ZNF385A: variants seen among roughly 807,000 people sequenced by gnomAD.
The protein encoded by ZNF385A is hematopoietic zinc finger protein.
Under a neutral mutation model 32.1 loss-of-function variants are expected in ZNF385A, and 14 were observed. That is an observed-to-expected ratio of 0.44 (90% CI 0.29 to 0.68). The LOEUF (loss-of-function observed/expected upper bound fraction) is 0.68. ZNF385A is among the 30% of genes least tolerant of loss of function. The probability of loss-of-function intolerance (pLI) is 0.14; values close to 1 mark genes in which losing one functional copy is unlikely to be tolerated. For missense variants in ZNF385A, 406 were observed against 478.4 expected (o/e 0.85, Z 1.41); for synonymous variants, 197 against 202.7 (o/e 0.97, Z 0.24).
chr12:54,385,812 G>T, upstream of ZNF385A: 1 of 225,564 alleles, frequency 4.4e-6, no homozygotes, highest in Non-Finnish European at 7.4e-6. Flanking sequence ...AGCCCAGTCA[G>T]TAGAATCAGC....
upstream of ZNF385A, chr12:54,385,666 T>C (rs570472763): frequency 1.0e-6 from 1 of 985,342 alleles, no homozygotes; most frequent in South Asian, 4.7e-5. Context: ...ACCACCCCCT[T>C]TCATACCTTT....
At chr12:54,379,130 G>T (rs1394975164) in intron 1 of ZNF385A, 6 of 981,192 alleles carry the variant, frequency 6.1e-6, no homozygotes, top group Admixed American at 6.3e-5. Flanking sequence ...GGGGGGCCGC[G>T]CCTGGCCGGG....
At chr12:54,376,961 T>C (rs1157140192) in intron 1 of ZNF385A, among the ~76,000 whole-genome samples, 2 of 152,158 alleles carry the variant, frequency 1.3e-5, no homozygotes, top group Non-Finnish European at 2.9e-5. Context: ...AGAATGGGAC[T>C]GAATTAGGAC....
chr12:54,384,655 C>A lies in ZNF385A; in HGVS notation c.-141G>T, dbSNP rs1037543732. On this transcript the variant is annotated 5_prime_UTR_variant, in exon 1 of 7. Coordinates refer to ENST00000394313, the MANE Select transcript of ZNF385A (RefSeq NM_015481.3). The stretch of plus-strand genomic sequence containing the variant: ...GCCAGTCCCACTCCCTAGCCAGGGC[C>A]CCCACACTCAGAAGTGTCACCCTCA... 3 of 1,414,042 alleles carry A rather than the reference C, an allele frequency of 2.1e-6. No homozygotes were observed. Among genetic ancestry groups the A allele is most frequent in the Non-Finnish European group, 2.8e-6 (3 of 1,088,722 alleles). The allele number at this position is 1,414,042 out of a possible 1,614,324, so 87.6% of individuals were successfully genotyped here. A position where few individuals can be genotyped will look rare whatever the true frequency, so the allele number is the denominator to read the frequency against.
intron 1 of ZNF385A, among the ~76,000 whole-genome samples, chr12:54,378,858 G>T (rs1306980540): frequency 6.6e-6 from 1 of 152,128 alleles, no homozygotes; most frequent in Non-Finnish European, 1.5e-5. Flanking sequence ...CAGAGGTCAG[G>T]GTATCCAGTG....
At chr12:54,382,360 C>T (rs1392659070) in intron 1 of ZNF385A, among the ~76,000 whole-genome samples, 1 of 152,094 alleles carries the variant, frequency 6.6e-6, no homozygotes. Context: ...AAGCGTGAGC[C>T]ACCACGCCTG....
intron 1 of ZNF385A, among the ~76,000 whole-genome samples, chr12:54,376,292 T>C (rs968090155): frequency 1.3e-5 from 2 of 152,124 alleles, no homozygotes; most frequent in Non-Finnish European, 1.5e-5. Context: ...CACCTTGACT[T>C]ATCTCCTACA....
upstream of ZNF385A, among the ~76,000 whole-genome samples, chr12:54,389,050 C>T (rs932089117): frequency 1.3e-5 from 2 of 152,116 alleles, no homozygotes; most frequent in African/African-American, 4.8e-5. Flanking sequence ...AGCAGGGAGG[C>T]CCCTGGGAAA....
chr12:54,370,811 C>T lies in ZNF385A; in HGVS notation c.775-90G>A, dbSNP rs1205104754. On this transcript the variant is annotated intron_variant, in intron 5 of 6. Coordinates refer to ENST00000394313, the MANE Select transcript of ZNF385A (RefSeq NM_015481.3). This position sits in a 1 kb window ranked among gnomAD's most constrained non-coding sequence, Gnocchi z 5.5. The stretch of plus-strand genomic sequence containing the variant: ...TCAAGCTCCAAGCACCGGCCCCCTC[C>T]CATCTGGCCCCCTGGGGAAAACTCT... 16 of 1,594,800 alleles carry T rather than the reference C, an allele frequency of 1.0e-5. No individual in the cohort carries two copies. The highest frequency in any genetic ancestry group is 1.9e-4 in the Middle Eastern group (1 of 5,136).
intron 1 of ZNF385A, chr12:54,379,187 C>G (rs1592252569): frequency 1.0e-6 from 1 of 980,244 alleles, no homozygotes; most frequent in East Asian, 1.2e-4. Context: ...CGGCTCGGGG[C>G]TGTGCGGCCC....
chr12:54,391,227 C>A, intron 1 of ZNF385A: 1 of 1,457,134 alleles, frequency 6.9e-7, no homozygotes. Flanking sequence ...GTCGCAGAGA[C>A]CACTCACCGA....
upstream of ZNF385A, among the ~76,000 whole-genome samples, chr12:54,388,777 T>C (rs77528148): frequency 0.06 from 9,179 of 152,068 alleles, 479 homozygotes; most frequent in South Asian, 0.25. Flanking sequence ...TCCCCAGAAG[T>C]GCCTAAAATT....
In ZNF385A at chr12:54,375,949, G is replaced by A. The variant is rs759313388; in HGVS notation, c.93C>T (p.Asp31=). 2 of 1,613,726 alleles carry A rather than the reference G, an allele frequency of 1.2e-6. No individual in the cohort carries two copies. The highest frequency in any genetic ancestry group is 1.7e-5 in the Admixed American group (1 of 60,026). The stretch of plus-strand genomic sequence containing the variant: ...GGGAGAGCACAGCCTTCTGCACAGG[G>A]TCCATCTGTGGAGGCAGGCTGGGGT... ...LGLFSNYSTM[D]PVQKAVLSHT... is the part of the protein sequence containing the mutation. Residue 31 remains aspartate (D), a synonymous_variant, in exon 2 of 7, where the codon GAC becomes GAT. Transcript: ENST00000394313.
chr12:54,381,999 G>A lies in ZNF385A; in HGVS notation c.87+2429C>T, dbSNP rs183565000. On this transcript the variant is annotated intron_variant, in intron 1 of 6. Transcript: ENST00000394313. ...CCCAAGTGTGGTAACTGAGTCCCGT[G>A]TCCCTGACACCAGGCACAGTACCCA... is the stretch of plus-strand genomic sequence containing the variant. Among the ~76,000 whole-genome samples, 323 of 151,862 alleles carry A rather than the reference G, an allele frequency of 2.1e-3. 2 individuals are homozygous for A. Among genetic ancestry groups the A allele is most frequent in the African/African-American group, 7.3e-3 (303 of 41,378 alleles).
intron 1 of ZNF385A, among the ~76,000 whole-genome samples, chr12:54,380,050 T>A (rs1157729301): frequency 6.6e-6 from 1 of 151,946 alleles, no homozygotes; most frequent in Non-Finnish European, 1.5e-5. Flanking sequence ...TGGGAAACAG[T>A]GAGGGACGTC....
intron 1 of ZNF385A, among the ~76,000 whole-genome samples, chr12:54,383,460 C>G (rs1955304518): frequency 6.6e-6 from 1 of 152,206 alleles, no homozygotes; most frequent in African/African-American, 2.4e-5. Flanking sequence ...CCCCGTCTGG[C>G]TTTTGAGGCT....
intron 1 of ZNF385A, among the ~76,000 whole-genome samples, chr12:54,377,480 G>A: frequency 6.6e-6 from 1 of 152,206 alleles, no homozygotes; most frequent in Non-Finnish European, 1.5e-5. Flanking sequence ...CTGTGCATGG[G>A]TGGAGTGTGA....
At position 54,384,594 on chromosome 12, in the gene ZNF385A, T is replaced by C; in HGVS notation, c.-80A>G. ...AGGGCAGAGAAAACATTCTGTGGGG[T>C]AGGAAGATTAAAGCTTGGGAACCCC... is the stretch of plus-strand genomic sequence containing the variant. On this transcript the variant is annotated 5_prime_UTR_variant, in exon 1 of 7. Coordinates refer to ENST00000394313, the MANE Select transcript of ZNF385A (RefSeq NM_015481.3). 1 of 1,431,688 alleles carries C rather than the reference T, an allele frequency of 7.0e-7. No homozygotes were observed. The highest frequency in any genetic ancestry group is 1.5e-5 in the South Asian group (1 of 66,954). 88.7% of individuals were successfully genotyped at this position (1,431,688 alleles called of 1,614,324 possible).
intron 3 of ZNF385A, 136 bp downstream of exon 3, chr12:54,373,837 A>G: frequency 2.1e-6 from 2 of 934,368 alleles, no homozygotes; most frequent in Non-Finnish European, 3.0e-6. Flanking sequence ...GCCTGGCTCC[A>G]GGACTCACCT....
Sources: allele counts gnomAD v4.1 joint callset (sites outside exome capture counted in the v4.1 genomes callset), GRCh38; gene constraint gnomAD v4.1.1; non-coding constraint Gnocchi (gnomAD v3.1); transcripts MANE v1.5; gene names NCBI Gene and HGNC (gene_info 2026-07-23, HGNC 2026-07-21).